PHKA1: variants seen among roughly 807,000 people sequenced by gnomAD.
PHKA1 encodes phosphorylase b kinase regulatory subunit alpha, skeletal muscle isoform.
Under a neutral mutation model 110.2 loss-of-function variants are expected in PHKA1, and 60 were observed. The observed-to-expected ratio is 0.54, with a 90% CI of 0.44 to 0.68. The LOEUF is 0.68. Ranked by LOEUF, PHKA1 falls within the 30% of genes least tolerant of loss-of-function variation. The probability of loss-of-function intolerance (pLI) is 0.00; values close to 1 mark genes in which losing one functional copy is unlikely to be tolerated. For synonymous variants in PHKA1, 316 were observed against 333.6 expected (o/e 0.95, Z 0.58); for missense variants, 801 against 942.5 (o/e 0.85, Z 1.97).
At chrX:72,629,689 C>T (rs1556285658) in intron 16 of PHKA1, among the ~76,000 whole-genome samples, 1 of 110,821 alleles carries the variant, frequency 9.0e-6, no homozygotes, top group Non-Finnish European at 1.9e-5. Flanking sequence ...CTATTTGTAC[C>T]TCTGTTCTTC....
chrX:72,657,732 C>A (rs1603265058), intron 8 of PHKA1, 91 bp from the exon 9 acceptor site: 2 of 691,070 alleles, frequency 2.9e-6, no homozygotes, highest in Middle Eastern at 3.0e-4. Flanking sequence ...TCTATATGTA[C>A]CACCAACCTA....
At chrX:72,710,850 TTA>T (rs2054365958) in intron 2 of PHKA1, among the ~76,000 whole-genome samples, 30 of 97,238 alleles carry the variant, frequency 3.1e-4, no homozygotes, top group Admixed American at 8.7e-4. Flanking sequence ...ATTTTTTTTT[TTA>T]TTTTTATTTT....
chrX:72,608,520 C>T (rs909230214), intron 23 of PHKA1, among the ~76,000 whole-genome samples: 4 of 111,156 alleles, frequency 3.6e-5, no homozygotes, highest in African/African-American at 1.3e-4. Flanking sequence ...GTCCTTGTGG[C>T]CTAGACTGCT....
intron 1 of PHKA1, among the ~76,000 whole-genome samples, chrX:72,713,442 G>C (rs782596755): frequency 2.7e-5 from 3 of 110,991 alleles, no homozygotes; most frequent in Non-Finnish European, 3.8e-5. Flanking sequence ...GAAGCCTTTC[G>C]AGTCTGAAAT....
At chrX:72,684,054 T>C (rs1326073394) in intron 5 of PHKA1, among the ~76,000 whole-genome samples, 2 of 112,361 alleles carry the variant, frequency 1.8e-5, no homozygotes, top group Non-Finnish European at 3.8e-5. Context: ...ACCTACCTCA[T>C]ATGGTAGTTG....
chrX:72,584,520 A>G (rs1556208445), intron 29 of PHKA1, among the ~76,000 whole-genome samples: 1 of 111,225 alleles, frequency 9.0e-6, no homozygotes, highest in African/African-American at 3.3e-5. Context: ...TAGGAGACCT[A>G]AGGTTCATCC....
At chrX:72,673,842 A>G (rs1161527294) in intron 6 of PHKA1, among the ~76,000 whole-genome samples, 4 of 109,655 alleles carry the variant, frequency 3.6e-5, no homozygotes, top group African/African-American at 1.3e-4. Context: ...TTTAGGGTAC[A>G]TGTACACAAC....
chrX:72,615,422 G>A (rs2052879135), intron 21 of PHKA1, among the ~76,000 whole-genome samples: 1 of 110,709 alleles, frequency 9.0e-6, no homozygotes, highest in African/African-American at 3.3e-5. Context: ...ATTAAAAATA[G>A]TAACTACAAT....
intron 4 of PHKA1, among the ~76,000 whole-genome samples, chrX:72,687,797 A>G (rs1556319401): frequency 9.2e-6 from 1 of 108,956 alleles, no homozygotes; most frequent in East Asian, 2.8e-4. Context: ...TGGAATTTGG[A>G]CTTGTTTATA....
rs2052716806 is a variant in PHKA1, at chrX:72,605,566, T to A, written c.2660A>T (p.Asp887Val). Residue 887 changes from aspartate to valine, a missense_variant, in exon 24 of 32, where the codon GAT (aspartate) becomes GTT (valine). By Grantham distance (152) the Asp-to-Val change is radical. This residue lies in a region of PHKA1 where 502 missense variants were observed against 519.2 expected (regional missense o/e 0.97). Transcript: ENST00000373542. ...TQLIDEASEGDMSISILTQEI... is the reference protein window; with the variant it reads ...TQLIDEASEGVMSISILTQEI... ...CTGTGTAAGGATTGAAATGCTCATA[T>A]CCCCTTCACTGGCTTCATCTATCAG... is the stretch of plus-strand genomic sequence containing the variant. The A allele has an allele frequency of 1.7e-6, 2 of 1,205,789 alleles. No individual in the cohort carries two copies. Among genetic ancestry groups the A allele is most frequent in the Non-Finnish European group, 2.2e-6 (2 of 891,216 alleles).
intron 3 of PHKA1, chrX:72,697,162 C>A (rs1296090410): frequency 2.7e-5 from 3 of 110,741 alleles, no homozygotes; most frequent in African/African-American, 6.6e-5. Context: ...TTTCTAGGAC[C>A]GTAGAGAGCA....
intron 28 of PHKA1, among the ~76,000 whole-genome samples, chrX:72,595,008 C>A (rs2052570927): frequency 9.0e-6 from 1 of 111,568 alleles, no homozygotes. Context: ...AACTACAGTC[C>A]AATATCCTTT....
intron 28 of PHKA1, 55 bp from the exon 29 acceptor site, chrX:72,593,329 G>A: frequency 1.1e-6 from 1 of 913,366 alleles, no homozygotes; most frequent in Non-Finnish European, 1.5e-6. Context: ...TTTCTATGAT[G>A]AAGTCTTTGA....
chrX:72,708,311 A>G (rs1293524264), intron 2 of PHKA1, among the ~76,000 whole-genome samples: 1 of 111,563 alleles, frequency 9.0e-6, no homozygotes, highest in Non-Finnish European at 1.9e-5. Context: ...GTGTTGTACA[A>G]TGGAAAGTAT....
intron 8 of PHKA1, among the ~76,000 whole-genome samples, chrX:72,658,734 T>C (rs1187634773): frequency 1.8e-5 from 2 of 111,755 alleles, no homozygotes; most frequent in East Asian, 2.8e-4. Flanking sequence ...ATGATCAGAG[T>C]ACGGTTATGC....
chrX:72,686,794 T>C (rs1241799010), intron 4 of PHKA1, among the ~76,000 whole-genome samples: 1 of 112,271 alleles, frequency 8.9e-6, no homozygotes, highest in Non-Finnish European at 1.9e-5. Context: ...TTGTTCATCA[T>C]ATATCTATCC....
chrX:72,588,592 G>A (rs1556219002), intron 29 of PHKA1, among the ~76,000 whole-genome samples: 2 of 111,394 alleles, frequency 1.8e-5, no homozygotes, highest in African/African-American at 6.5e-5. Context: ...CAGAATTGAA[G>A]GAGACAGAGA....
chrX:72,610,574 A>G (rs1331269425), intron 22 of PHKA1, among the ~76,000 whole-genome samples: 1 of 112,086 alleles, frequency 8.9e-6, no homozygotes, highest in Non-Finnish European at 1.9e-5. Context: ...TAGTGCTACA[A>G]TAAACATGGG....
intron 4 of PHKA1, among the ~76,000 whole-genome samples, chrX:72,688,328 T>C (rs2053993021): frequency 8.9e-6 from 1 of 112,199 alleles, no homozygotes; most frequent in Non-Finnish European, 1.9e-5. Flanking sequence ...GTAATGACAC[T>C]AACTTCTTGG....
Sources: gnomAD v4.1 joint callset for allele counts (sites outside exome capture counted in the v4.1 genomes callset) on GRCh38, gnomAD v4.1.1 for gene constraint, gnomAD v4.1.1 regional missense constraint, MANE v1.5 for transcripts, NCBI Gene and HGNC (gene_info 2026-07-23, HGNC 2026-07-21) for gene names.